Variants in PRKG1 observed in about 807,000 individuals in gnomAD.
PRKG1 encodes the protein protein kinase cGMP-dependent 1.
A neutral mutation model predicts 88.1 loss-of-function variants in PRKG1; 35 were observed. The observed-to-expected ratio is 0.40, with a 90% CI of 0.30 to 0.53. The LOEUF (loss-of-function observed/expected upper bound fraction) is 0.53, where lower values mean the gene tolerates loss of function less well. Among genes scored for constraint, PRKG1 ranks in the 20% least tolerant of loss-of-function variants. The pLI is 0.59. For missense variants in PRKG1, 540 were observed against 839.8 expected, an observed-to-expected ratio of 0.64 and a Z score of 4.41; for synonymous variants, 303 against 292.5, an observed-to-expected ratio of 1.04 and a Z score of -0.37.
At chr10:51,723,116 C>T (rs1842052293) in intron 3 of PRKG1, among the ~76,000 whole-genome samples, 1 of 152,108 alleles carries the variant, frequency 6.6e-6, no homozygotes, top group African/African-American at 2.4e-5. Context: ...AAGTGGTCAC[C>T]ATACCACTTT....
chr10:52,216,179 T>C (rs575462546), intron 9 of PRKG1, among the ~76,000 whole-genome samples: 1 of 152,312 alleles, frequency 6.6e-6, no homozygotes, highest in Non-Finnish European at 1.5e-5. Flanking sequence ...CTTTTGATCA[T>C]TCTTGAATAT....
intron 1 of PRKG1, among the ~76,000 whole-genome samples, chr10:51,060,548 T>C (rs1191532149): frequency 1.3e-5 from 2 of 152,176 alleles, no homozygotes; most frequent in Admixed American, 1.3e-4. Context: ...TCATTACATT[T>C]ATTAATACTC....
intron 5 of PRKG1, among the ~76,000 whole-genome samples, chr10:51,924,433 C>T (rs75249238): frequency 0.013 from 1,924 of 151,994 alleles, 32 homozygotes; most frequent in African/African-American, 0.042. Context: ...CTATAGGTAA[C>T]GTGGTTTATT....
chr10:52,269,431 T>C (rs557846983), intron 10 of PRKG1, among the ~76,000 whole-genome samples: 1 of 152,256 alleles, frequency 6.6e-6, no homozygotes, highest in South Asian at 2.1e-4. Flanking sequence ...CTACCTGTCA[T>C]ACTGATTCAC....
intron 10 of PRKG1, among the ~76,000 whole-genome samples, chr10:52,265,489 A>G (rs774003649): frequency 2.8e-4 from 43 of 152,190 alleles, no homozygotes; most frequent in Admixed American, 5.9e-4. Context: ...TAACAAGGTT[A>G]AATGAATGAA....
intron 17 of PRKG1, 27 bp downstream of exon 17, chr10:52,290,317 G>A: frequency 1.3e-6 from 2 of 1,554,150 alleles, no homozygotes; most frequent in Middle Eastern, 1.7e-4. Context: ...GCTTATAATT[G>A]TGTGACATAA....
chr10:51,375,172 T>C (rs1457439567), intron 2 of PRKG1, among the ~76,000 whole-genome samples: 2 of 152,196 alleles, frequency 1.3e-5, no homozygotes, highest in African/African-American at 2.4e-5. Flanking sequence ...TAATCAGGGG[T>C]CATCTTAGAG....
Position 51,067,270 on chromosome 10 carries a change from GTATATA to G in PRKG1, c.266+75644_266+75649del, listed in dbSNP as rs10612353. On this transcript the variant is annotated intron_variant, in intron 1 of 17. Coordinates refer to the PRKG1 transcript ENST00000401604. ...TGTTTGTGTGTTTGTATGTATGTGT[GTATATA>G]TATATATATATATATATGTTATTTG... 6.5e-3 allele frequency among the ~76,000 whole-genome samples: 954 copies of G among 146,456 alleles called. 6 individuals carry two copies. Among genetic ancestry groups the G allele is most frequent in the Non-Finnish European group, 9.4e-3 (624 of 66,272 alleles).
chr10:51,473,856 A>C (rs1423028261), intron 3 of PRKG1, among the ~76,000 whole-genome samples: 1 of 151,842 alleles, frequency 6.6e-6, no homozygotes, highest in African/African-American at 2.4e-5. Context: ...GTAAAGCTTG[A>C]GTCAGTTTTT....
At position 52,101,413 on chromosome 10, in the gene PRKG1, C is replaced by T. The variant is rs183996308; in HGVS notation, c.936-32427C>T. The stretch of plus-strand genomic sequence containing the variant: ...TTTAAATACATGGACTTTGTAGAGG[C>T]AGGTCATTAGAATGACATTTCCCTA... On this transcript the variant is annotated intron_variant, in intron 7 of 17. Coordinates refer to ENST00000373980, the MANE Select transcript of PRKG1 (RefSeq NM_006258.4). Among the ~76,000 whole-genome samples the T allele has an allele frequency of 3.1e-3, 478 of 152,224 alleles. 4 individuals carry two copies. Among genetic ancestry groups the T allele is most frequent in the African/African-American group, 0.01 (433 of 41,550 alleles).
chr10:52,087,437 T>C (rs892104225), intron 7 of PRKG1, among the ~76,000 whole-genome samples: 1 of 152,202 alleles, frequency 6.6e-6, no homozygotes, highest in Non-Finnish European at 1.5e-5. Context: ...ATATTCCACA[T>C]ATTTTTCACA....
At chr10:51,475,452 C>T (rs1490461856) in intron 3 of PRKG1, among the ~76,000 whole-genome samples, 2 of 151,854 alleles carry the variant, frequency 1.3e-5, no homozygotes, top group African/African-American at 2.4e-5. Context: ...CCTATAGCTG[C>T]CCAGTTAGTG....
At chr10:51,722,785 G>A (rs1371247617) in intron 3 of PRKG1, among the ~76,000 whole-genome samples, 1 of 152,182 alleles carries the variant, frequency 6.6e-6, no homozygotes, top group Admixed American at 6.5e-5. Flanking sequence ...AATGTTGATA[G>A]TCAAGGATTA....
chr10:51,220,402 A>G (rs1223928755), intron 2 of PRKG1, among the ~76,000 whole-genome samples: 1 of 152,196 alleles, frequency 6.6e-6, no homozygotes, highest in Non-Finnish European at 1.5e-5. Context: ...CAAAGGAATA[A>G]AAAGATAATA....
At chr10:51,022,587 C>T in intron 1 of PRKG1, among the ~76,000 whole-genome samples, 1 of 152,064 alleles carries the variant, frequency 6.6e-6, no homozygotes, top group East Asian at 1.9e-4. Flanking sequence ...ACTCTCAGCT[C>T]TTTAATGTAA....
intron 10 of PRKG1, among the ~76,000 whole-genome samples, chr10:52,269,409 C>T (rs2132429039): frequency 6.6e-6 from 1 of 152,174 alleles, no homozygotes; most frequent in Admixed American, 6.5e-5. Context: ...TTTCAAATAC[C>T]CATTTTTCCC....
chr10:51,993,802 T>C lies in PRKG1; in HGVS notation c.763-60682T>C, dbSNP rs974485681. On this transcript the variant is annotated intron_variant, in intron 5 of 17. Transcript: ENST00000373980. ...TGTCAGGTTGACTTCAAGCTTCCCA[T>C]TTCTCTTGAATATATTCTTCCTCAT... Among the ~76,000 whole-genome samples, 9 of 152,190 alleles carry C rather than the reference T, an allele frequency of 5.9e-5. No homozygotes were observed. In the East Asian group the frequency reaches 1.3e-3, roughly 23 times the overall value.
At chr10:51,949,006 A>G (rs749283332) in intron 5 of PRKG1, among the ~76,000 whole-genome samples, 32 of 152,184 alleles carry the variant, frequency 2.1e-4, no homozygotes, top group Non-Finnish European at 4.0e-4. Flanking sequence ...AAAAAGTTTT[A>G]TGTCAACTAC....
At chr10:51,628,463 T>C (rs7915186) in intron 3 of PRKG1, among the ~76,000 whole-genome samples, 72,288 of 151,724 alleles carry the variant, frequency 0.48, 18,981 homozygotes, top group East Asian at 0.72. Flanking sequence ...ACCCCCAGCC[T>C]GGTCTTGTTT....
Sources: allele counts gnomAD v4.1 joint callset (sites outside exome capture counted in the v4.1 genomes callset), GRCh38; gene constraint gnomAD v4.1.1; transcripts MANE v1.5; gene names NCBI Gene and HGNC (gene_info 2026-07-23, HGNC 2026-07-21).